The following CD8B2 variants were observed in gnomAD, a reference collection of about 807,000 sequenced individuals.
The protein encoded by CD8B2 is T-cell surface glycoprotein CD8 beta-2 chain.
Under a neutral mutation model 23.7 loss-of-function variants are expected in CD8B2, and 11 were observed. The observed-to-expected ratio is 0.46, with a 90% CI of 0.29 to 0.77. CD8B2 has a LOEUF of 0.77. CD8B2 is among the 30% of genes least tolerant of loss of function. CD8B2 has a pLI of 0.09. For missense variants in CD8B2, 197 were observed against 270.5 expected (o/e 0.73, Z 1.91); for synonymous variants, 90 against 109.3 (o/e 0.82, Z 1.10).
chr2:106,498,184 G>C (rs1427416147), intron 3 of CD8B2, among the ~76,000 whole-genome samples: 1 of 147,548 alleles, frequency 6.8e-6, no homozygotes, highest in East Asian at 2.0e-4. Context: ...GTCTCACTCT[G>C]TTGCCCAGGC....
downstream of CD8B2, among the ~76,000 whole-genome samples, chr2:106,512,521 G>C (rs1259440137): frequency 1.3e-5 from 2 of 152,160 alleles, no homozygotes; most frequent in Non-Finnish European, 2.9e-5. Flanking sequence ...CTAGTGTGCA[G>C]TGGGGCCATC....
At chr2:106,518,945 A>T (rs1679776816) in intron 5 of CD8B2, among the ~76,000 whole-genome samples, 1 of 151,658 alleles carries the variant, frequency 6.6e-6, no homozygotes, top group Admixed American at 6.6e-5. Context: ...TTGATCCATC[A>T]TTCATCCATC....
chr2:106,489,462 G>T (rs886151956), intron 1 of CD8B2, among the ~76,000 whole-genome samples: 1 of 152,086 alleles, frequency 6.6e-6, no homozygotes, highest in Non-Finnish European at 1.5e-5. Context: ...TGCTCAGTAA[G>T]CTGGCTCCTC....
intron 2 of CD8B2, among the ~76,000 whole-genome samples, chr2:106,495,392 C>T (rs545155241): frequency 2.6e-5 from 4 of 152,074 alleles, no homozygotes; most frequent in Admixed American, 1.3e-4. Flanking sequence ...TGCAGTGGCA[C>T]GACGAATGCA....
In CD8B2 at chr2:106,517,864, C is replaced by T. The variant is rs927866782; in HGVS notation, c.620+13539C>T. 3.9e-5 allele frequency among the ~76,000 whole-genome samples: 6 copies of T among 152,136 alleles called. No individual in the cohort carries two copies. The South Asian group carries it at 6.2e-4, about 16-fold the overall frequency. Reference sequence around the variant, plus strand: ...AGGAGCTGGGACTACAGGCGCCCGCCACAACGCCCGGCTAATTTTTTTTGT... The same window carrying T: ...AGGAGCTGGGACTACAGGCGCCCGCTACAACGCCCGGCTAATTTTTTTTGT... On this transcript the variant is annotated intron_variant, in intron 5 of 5. Coordinates refer to the CD8B2 transcript ENST00000416057.
chr2:106,537,101 G>A (rs975024503), intron 5 of CD8B2, among the ~76,000 whole-genome samples: 5 of 152,160 alleles, frequency 3.3e-5, no homozygotes, highest in Admixed American at 6.5e-5. Flanking sequence ...CACCCCATCA[G>A]CAGGGAAAAC....
At chr2:106,514,737 G>A (rs1157729274), downstream of CD8B2, among the ~76,000 whole-genome samples, 1 of 107,744 alleles carries the variant, frequency 9.3e-6, no homozygotes, top group African/African-American at 3.6e-5. Flanking sequence ...TAATATCCAA[G>A]CTCAGTTAAG....
intron 1 of CD8B2, among the ~76,000 whole-genome samples, chr2:106,490,284 C>A (rs13422286): frequency 0.26 from 39,387 of 151,918 alleles, 5,413 homozygotes; most frequent in African/African-American, 0.31. Flanking sequence ...GAGTTTGACT[C>A]CTAGGCCACT....
chr2:106,507,478 C>T lies in CD8B2; in HGVS notation c.*538C>T, dbSNP rs1664524473. 6.1e-6 allele frequency: 6 copies of T among 985,486 alleles called. No individual in the cohort carries two copies. The South Asian group carries it at 2.8e-4, about 46-fold the overall frequency. 61.0% of individuals were successfully genotyped at this position (985,486 alleles called of 1,614,324 possible). A position where few individuals can be genotyped will look rare whatever the true frequency, so the allele number is the denominator to read the frequency against. ...AAGCCATGTCAGTCTCTGAGGGCTT[C>T]CTTTGGGGCCGGGAACTTGCGGGTT... On this transcript the variant is annotated 3_prime_UTR_variant, in exon 6 of 6. Transcript: ENST00000643224.
chr2:106,517,770 T>C (rs1679752633), intron 5 of CD8B2, among the ~76,000 whole-genome samples: 1 of 152,116 alleles, frequency 6.6e-6, no homozygotes, highest in South Asian at 2.1e-4. Context: ...TGGAGTGCAG[T>C]GGCGCGATCT....
intron 5 of CD8B2, among the ~76,000 whole-genome samples, chr2:106,517,260 T>C (rs1482585369): frequency 6.6e-6 from 1 of 152,114 alleles, no homozygotes; most frequent in African/African-American, 2.4e-5. Context: ...CCTTTGGTCA[T>C]GCCGACTCCC....
chr2:106,531,836 G>A (rs887134467), intron 5 of CD8B2, among the ~76,000 whole-genome samples: 2 of 152,198 alleles, frequency 1.3e-5, no homozygotes, highest in Non-Finnish European at 2.9e-5. Flanking sequence ...GGGGAGCAGA[G>A]TGTGTGTGTG....
chr2:106,491,503 G>C (rs1679194740), intron 2 of CD8B2, among the ~76,000 whole-genome samples: 2 of 152,222 alleles, frequency 1.3e-5, no homozygotes, highest in South Asian at 4.1e-4. Flanking sequence ...AATTGGAAGA[G>C]ACGGGTCAGC....
chr2:106,511,457 C>T (rs1679629470), downstream of CD8B2, among the ~76,000 whole-genome samples: 2 of 150,526 alleles, frequency 1.3e-5, no homozygotes, highest in South Asian at 4.3e-4. Flanking sequence ...CCCCCGCCCC[C>T]TTCCTTTCAG....
At position 106,507,682 on chromosome 2, in the gene CD8B2, A is replaced by C. The variant is rs1187003012; in HGVS notation, c.*742A>C. The stretch of plus-strand genomic sequence containing the variant: ...GATAACAAACGGGTCCTGTGACATA[A>C]ACGTACGAAAGCCCATCTACAGCAA... On this transcript the variant is annotated 3_prime_UTR_variant, in exon 6 of 6. Coordinates refer to ENST00000643224, the MANE Select transcript of CD8B2 (RefSeq NM_001349727.2). The C allele has an allele frequency of 2.1e-6, 2 of 945,576 alleles. No individual in the cohort carries two copies. The highest frequency in any genetic ancestry group is 2.5e-6 in the Non-Finnish European group (2 of 793,862). 58.6% of individuals were successfully genotyped at this position (945,576 alleles called of 1,614,324 possible). A position where few individuals can be genotyped will look rare whatever the true frequency, so the allele number is the denominator to read the frequency against.
At chr2:106,506,147 A>G (rs1381901462) in intron 5 of CD8B2, among the ~76,000 whole-genome samples, 1 of 152,104 alleles carries the variant, frequency 6.6e-6, no homozygotes, top group Non-Finnish European at 1.5e-5. Context: ...AAAAAAAAAA[A>G]AGAAAGTTCC....
intron 2 of CD8B2, among the ~76,000 whole-genome samples, chr2:106,494,977 A>G (rs1332504868): frequency 5.9e-5 from 9 of 152,176 alleles, no homozygotes; most frequent in African/African-American, 1.4e-4. Context: ...CCCTCCTTCC[A>G]TGAGCTTCCT....
intron 2 of CD8B2, among the ~76,000 whole-genome samples, chr2:106,493,384 G>T (rs914846806): frequency 3.3e-5 from 5 of 152,218 alleles, no homozygotes; most frequent in Non-Finnish European, 7.3e-5. Context: ...TAGGCAAGAA[G>T]AATTTAAAAC....
downstream of CD8B2, among the ~76,000 whole-genome samples, chr2:106,513,131 A>C (rs1465454030): frequency 2.3e-4 from 30 of 127,898 alleles, no homozygotes; most frequent in East Asian, 7.5e-4. Flanking sequence ...CCGCCCACCC[A>C]CCTTTCTGTG....
Sources: allele counts gnomAD v4.1 joint callset (sites outside exome capture counted in the v4.1 genomes callset), GRCh38; gene constraint gnomAD v4.1.1; transcripts MANE v1.5; gene names NCBI Gene and HGNC (gene_info 2026-07-23, HGNC 2026-07-21).